The following ANO4 variants were observed in gnomAD, a reference collection of about 807,000 sequenced individuals.
ANO4 encodes the protein anoctamin 4.
A neutral mutation model predicts 141.9 loss-of-function variants in ANO4; 69 were observed. The observed-to-expected ratio is 0.49, with a 90% CI of 0.40 to 0.59. ANO4 has a LOEUF of 0.59. Among genes scored for constraint, ANO4 ranks in the 20% least tolerant of loss-of-function variants. The pLI, the probability that ANO4 is intolerant of heterozygous loss-of-function variation, is 0.00. For missense variants in ANO4, 894 were observed against 1,162.2 expected (o/e 0.77, Z 3.36); for synonymous variants, 350 against 394.3 (o/e 0.89, Z 1.33).
chr12:101,019,474 T>C (rs2046436947), intron 8 of ANO4, among the ~76,000 whole-genome samples: 3 of 152,008 alleles, frequency 2.0e-5, no homozygotes, highest in Admixed American at 1.3e-4. Flanking sequence ...CAATCTTAAG[T>C]GTGTGCTTTA....
intron 3 of ANO4, among the ~76,000 whole-genome samples, chr12:100,781,288 G>A (rs2033703307): frequency 1.3e-5 from 2 of 152,202 alleles, no homozygotes. Flanking sequence ...CCCTGGCTCA[G>A]TAGACATTTA....
intron 8 of ANO4, among the ~76,000 whole-genome samples, chr12:101,013,474 C>G (rs1210259508): frequency 2.0e-5 from 3 of 152,122 alleles, no homozygotes; most frequent in African/African-American, 7.2e-5. Flanking sequence ...TCCTGTAGGG[C>G]ACTGCTAACC....
intron 1 of ANO4, among the ~76,000 whole-genome samples, chr12:100,720,134 C>T (rs2030798357): frequency 6.6e-6 from 1 of 152,062 alleles, no homozygotes; most frequent in African/African-American, 2.4e-5. Flanking sequence ...AGAGAAATGA[C>T]TGGGACTTTA....
intron 3 of ANO4, among the ~76,000 whole-genome samples, chr12:100,767,606 T>C (rs1565864249): frequency 6.6e-6 from 1 of 152,198 alleles, no homozygotes. Flanking sequence ...GATAAAGGGA[T>C]GATTCATTTT....
At chr12:100,842,772 G>A (rs1187249018) in intron 1 of ANO4, among the ~76,000 whole-genome samples, 2 of 151,954 alleles carry the variant, frequency 1.3e-5, no homozygotes, top group Non-Finnish European at 2.9e-5. Context: ...GGCCTACCTC[G>A]ATCCCTTTAG....
intron 9 of ANO4, among the ~76,000 whole-genome samples, chr12:101,026,720 T>C (rs760158297): frequency 3.9e-5 from 6 of 152,124 alleles, no homozygotes; most frequent in African/African-American, 9.7e-5. Context: ...TTAGGAAAAC[T>C]CGTATACAAA....
intron 3 of ANO4, among the ~76,000 whole-genome samples, chr12:100,744,802 A>C (rs529175895): frequency 6.6e-6 from 1 of 152,146 alleles, no homozygotes; most frequent in Non-Finnish European, 1.5e-5. Context: ...AGCTCTCACT[A>C]TCTCTCCTTA....
intron 1 of ANO4, among the ~76,000 whole-genome samples, chr12:100,896,891 C>G (rs1246975144): frequency 6.6e-6 from 1 of 152,188 alleles, no homozygotes; most frequent in Non-Finnish European, 1.5e-5. Context: ...TTATGCTGGA[C>G]ATTGCCATAA....
intron 3 of ANO4, among the ~76,000 whole-genome samples, chr12:100,763,116 C>T (rs2032944897): frequency 6.6e-6 from 1 of 152,122 alleles, no homozygotes; most frequent in African/African-American, 2.4e-5. Flanking sequence ...CTTCAAAAAC[C>T]ATGCCTGCTT....
chr12:101,019,305 G>C (rs1193291899), intron 8 of ANO4, among the ~76,000 whole-genome samples: 5 of 152,020 alleles, frequency 3.3e-5, no homozygotes, highest in Non-Finnish European at 7.4e-5. Flanking sequence ...ATGTAAACCT[G>C]GAAGCTCTAT....
At chr12:100,794,378 T>C (rs1198934763), upstream of ANO4, among the ~76,000 whole-genome samples, 1 of 152,208 alleles carries the variant, frequency 6.6e-6, no homozygotes, top group Non-Finnish European at 1.5e-5. Flanking sequence ...ACTTCCTGCA[T>C]GGCTAGTGTA....
At chr12:101,118,292 T>C (rs1404829856) in intron 25 of ANO4, among the ~76,000 whole-genome samples, 1 of 152,214 alleles carries the variant, frequency 6.6e-6, no homozygotes, top group South Asian at 2.1e-4. Context: ...CCTCTTCTGC[T>C]TCCTGGCTCA....
At chr12:100,984,072 C>A (rs1393723531) in intron 7 of ANO4, among the ~76,000 whole-genome samples, 4 of 152,034 alleles carry the variant, frequency 2.6e-5, no homozygotes, top group Admixed American at 6.6e-5. Context: ...CCTCCAGCCC[C>A]CATGCCCAAC....
In ANO4 at chr12:100,804,325, C is replaced by T. The variant is rs577880596; in HGVS notation, c.-141+9298C>T. Among the ~76,000 whole-genome samples, 85 of 152,236 alleles carry T rather than the reference C, an allele frequency of 5.6e-4. 1 individual carries two copies. In the South Asian group the frequency reaches 6.9e-3, roughly 12 times the overall value. On this transcript the variant is annotated intron_variant, in intron 1 of 27. Transcript: ENST00000392977. ...CATAGCATTCCATGGTATATATATACGACATTTCCTTTAGCCAGTCTATCT... is the reference window on the plus strand; with the variant it reads ...CATAGCATTCCATGGTATATATATATGACATTTCCTTTAGCCAGTCTATCT...
intron 2 of ANO4, among the ~76,000 whole-genome samples, chr12:100,921,840 G>A (rs1366688843): frequency 1.3e-5 from 2 of 152,062 alleles, no homozygotes; most frequent in African/African-American, 4.8e-5. Flanking sequence ...ATAAGAAGAA[G>A]ATGATATCAT....
rs184448917 is a variant in ANO4, at chr12:100,923,333, G to T, written c.160+1003G>T. Among the ~76,000 whole-genome samples, 7 of 142,002 alleles carry T rather than the reference G, an allele frequency of 4.9e-5. No homozygotes were observed. The East Asian group carries it at 1.5e-3, about 30-fold the overall frequency. 93.2% of individuals were successfully genotyped at this position (142,002 alleles called of 152,430 possible). A position where few individuals can be genotyped will look rare whatever the true frequency, so the allele number is the denominator to read the frequency against. On this transcript the variant is annotated intron_variant, in intron 3 of 27. Coordinates refer to ENST00000392977, the MANE Select transcript of ANO4 (RefSeq NM_001286615.2). ...CCTGGTGTGTGATGTTCCCTGCCCTGTGTCCAAATCATCTCATTGTTCATT... is the reference window on the plus strand; with the variant it reads ...CCTGGTGTGTGATGTTCCCTGCCCTTTGTCCAAATCATCTCATTGTTCATT...
chr12:100,992,493 A>G (rs1344229213), intron 8 of ANO4, among the ~76,000 whole-genome samples: 5 of 151,998 alleles, frequency 3.3e-5, no homozygotes, highest in Non-Finnish European at 7.4e-5. Context: ...CATCCTCCAG[A>G]ACTCAGCTCC....
chr12:100,841,260 A>G (rs1480341844), intron 1 of ANO4, among the ~76,000 whole-genome samples: 1 of 152,222 alleles, frequency 6.6e-6, no homozygotes, highest in African/African-American at 2.4e-5. Flanking sequence ...ATTGGCTCAT[A>G]CAAATCTTGT....
At chr12:100,756,430 A>G (rs1292631477) in intron 3 of ANO4, among the ~76,000 whole-genome samples, 3 of 151,880 alleles carry the variant, frequency 2.0e-5, no homozygotes, top group Non-Finnish European at 1.5e-5. Context: ...GCTCACTGCA[A>G]CCTCTGCCTC....
Sources: allele counts gnomAD v4.1 joint callset (sites outside exome capture counted in the v4.1 genomes callset), GRCh38; gene constraint gnomAD v4.1.1; transcripts MANE v1.5; gene names NCBI Gene and HGNC (gene_info 2026-07-23, HGNC 2026-07-21).